Variants in FBXW7 observed in about 807,000 individuals in gnomAD.
FBXW7 encodes F-box/WD repeat-containing protein 7.
FBXW7 carries 11 observed loss-of-function variants against 86.3 expected under a neutral mutation model. The observed-to-expected ratio is 0.13, with a 90% confidence interval of 0.08 to 0.21. FBXW7 has a LOEUF of 0.21. Among genes scored for constraint, FBXW7 ranks in the 10% least tolerant of loss-of-function variants. The pLI is 1.00. For missense variants in FBXW7, 488 were observed against 847.4 expected, an observed-to-expected ratio of 0.58 and a Z score of 5.27; for synonymous variants, 313 against 297.9, an observed-to-expected ratio of 1.05 and a Z score of -0.52.
rs976903918 is a variant in FBXW7 at position 152,322,191 on chromosome 4, T to C, written c.*690A>G. The C allele has an allele frequency of 4.3e-6, 1 of 233,368 alleles. No individual in the cohort carries two copies. The highest frequency in any genetic ancestry group is 8.5e-6 in the Non-Finnish European group (1 of 117,900). The allele number at this position is 233,368 out of a possible 1,614,324, so 14.5% of individuals were successfully genotyped here. Reference sequence around the variant, plus strand: ...GCACCAGCATCAAGAATTAAATCCATCTCAGGACTCACAGAACCCAGGACA... The same window carrying C: ...GCACCAGCATCAAGAATTAAATCCACCTCAGGACTCACAGAACCCAGGACA... On this transcript the variant is annotated 3_prime_UTR_variant, in exon 14 of 14. Coordinates refer to ENST00000281708, the MANE Select transcript of FBXW7 (RefSeq NM_001349798.2).
At chr4:152,520,498 C>T (rs1049436446) in intron 2 of FBXW7, among the ~76,000 whole-genome samples, 4 of 151,348 alleles carry the variant, frequency 2.6e-5, no homozygotes, top group African/African-American at 4.9e-5. Context: ...TAGTAGGTCA[C>T]TTCTTCACCT....
At chr4:152,439,865 CAAAAAAA>C (rs35657415) in intron 2 of FBXW7, among the ~76,000 whole-genome samples, 3 of 57,158 alleles carry the variant, frequency 5.2e-5, no homozygotes, top group East Asian at 3.9e-4. Flanking sequence ...GACTCCGTCA[CAAAAAAA>C]AAAAAAAAAA....
intron 2 of FBXW7, among the ~76,000 whole-genome samples, chr4:152,504,404 A>G (rs1172901714): frequency 6.6e-6 from 1 of 152,198 alleles, no homozygotes; most frequent in Non-Finnish European, 1.5e-5. Context: ...AATCATTGAA[A>G]AACACTTTAT....
chr4:152,443,603 T>C (rs1350253353), intron 2 of FBXW7, among the ~76,000 whole-genome samples: 1 of 152,204 alleles, frequency 6.6e-6, no homozygotes, highest in Non-Finnish European at 1.5e-5. Flanking sequence ...CAATTCTTTT[T>C]AAAAACTTTG....
At chr4:152,356,874 G>A (rs190746747) in intron 4 of FBXW7, among the ~76,000 whole-genome samples, 27 of 152,226 alleles carry the variant, frequency 1.8e-4, no homozygotes, top group African/African-American at 6.5e-4. Context: ...TATTCATTCA[G>A]TAAGCATTTG....
chr4:152,323,822 AG>A (rs992122744), intron 13 of FBXW7: 4 of 185,838 alleles, frequency 2.2e-5, no homozygotes, highest in Non-Finnish European at 3.4e-5. Context: ...TTTTTCAATA[AG>A]GTAGCCCTTT....
intron 2 of FBXW7, among the ~76,000 whole-genome samples, chr4:152,476,843 G>A (rs1744443752): frequency 6.6e-6 from 1 of 152,116 alleles, no homozygotes; most frequent in African/African-American, 2.4e-5. Flanking sequence ...CTATCCTTTT[G>A]AGGATACTTT....
At chr4:152,474,293 A>AC (rs1218526571) in intron 2 of FBXW7, among the ~76,000 whole-genome samples, 1 of 152,236 alleles carries the variant, frequency 6.6e-6, no homozygotes, top group Non-Finnish European at 1.5e-5. Flanking sequence ...ACTGCTCATG[A>AC]ATTCTAACCA....
intron 4 of FBXW7, among the ~76,000 whole-genome samples, chr4:152,377,305 A>G (rs1734636638): frequency 6.6e-6 from 1 of 152,188 alleles, no homozygotes; most frequent in Non-Finnish European, 1.5e-5. Context: ...TTGTTTCATT[A>G]ACATTTAAAC....
intron 6 of FBXW7, among the ~76,000 whole-genome samples, chr4:152,342,797 C>T (rs1450076172): frequency 1.3e-5 from 2 of 152,096 alleles, no homozygotes; most frequent in East Asian, 3.8e-4. Context: ...CTGAAGAAAC[C>T]AAGAATGAAT....
chr4:152,382,174 ATG>A (rs762114279), intron 4 of FBXW7: 2 of 1,513,260 alleles, frequency 1.3e-6, no homozygotes, highest in South Asian at 2.8e-5. Flanking sequence ...TATTTTTCAA[ATG>A]TGTGAGACTT....
At chr4:152,423,146 A>G (rs1438467558) in intron 2 of FBXW7, among the ~76,000 whole-genome samples, 1 of 152,196 alleles carries the variant, frequency 6.6e-6, no homozygotes, top group East Asian at 1.9e-4. Flanking sequence ...TTTCCTTCTT[A>G]TGATTTTAGC....
intron 2 of FBXW7, among the ~76,000 whole-genome samples, chr4:152,456,407 A>C (rs2149621104): frequency 6.6e-6 from 1 of 150,426 alleles, no homozygotes; most frequent in East Asian, 2.0e-4. Flanking sequence ...GTTGTAGTAC[A>C]CATCTGTAGT....
Position 152,330,834 on chromosome 4 carries a change from T to G in FBXW7, c.1020A>C (p.Lys340Asn), listed in dbSNP as rs1184695126. 1 of 1,612,402 alleles carries G rather than the reference T, an allele frequency of 6.2e-7. No individual in the cohort carries two copies. Among genetic ancestry groups the G allele is most frequent in the Non-Finnish European group, 8.5e-7 (1 of 1,178,800 alleles). Residue 340 changes from lysine to asparagine, a missense_variant, in exon 9 of 14, where the codon AAA (lysine) becomes AAC (asparagine). By Grantham distance (94) the Lys-to-Asn change is moderately conservative. Around this residue, in one of 4 missense-constraint regions of FBXW7, gnomAD observed 57 missense variants for 62.8 expected, o/e 0.91. Transcript: ENST00000281708. ...TGTGTATGAAACCTGGTTTTATTAC[T>G]TTTCTTCTCTTGATGTGCAATGGTT... is the stretch of plus-strand genomic sequence containing the variant. ...IDEPLHIKRRKVIKPGFIHSP... is the reference protein window; with the variant it reads ...IDEPLHIKRRNVIKPGFIHSP...
chr4:152,493,153 T>C (rs778612469), intron 2 of FBXW7, among the ~76,000 whole-genome samples: 1 of 151,648 alleles, frequency 6.6e-6, no homozygotes, highest in Non-Finnish European at 1.5e-5. Context: ...GTTTAAAGGA[T>C]AGTTTTTTTG....
intron 13 of FBXW7, 55 bp downstream of exon 13, chr4:152,324,129 T>C (rs2126474067): frequency 7.2e-7 from 1 of 1,382,730 alleles, no homozygotes. Context: ...TCCATATTTC[T>C]CTTGAATAAT....
rs1561014065 is a variant in FBXW7, at chr4:152,535,542, C to G, written c.-628G>C. ...TGGTTGGGGCCCCGGTTCATACACT[C>G]CGGGGCAAGATGCTACGGCCCCGGG... On this transcript the variant is annotated 5_prime_UTR_variant, in exon 1 of 14. Transcript: ENST00000281708. 1.0e-5 allele frequency: 4 copies of G among 396,012 alleles called. No homozygotes were observed. The highest frequency in any genetic ancestry group is 4.1e-5 in the African/African-American group (2 of 48,396). The allele number at this position is 396,012 out of a possible 1,614,324, so 24.5% of individuals were successfully genotyped here. A position where few individuals can be genotyped will look rare whatever the true frequency, so the allele number is the denominator to read the frequency against.
chr4:152,429,177 C>T (rs1031378057), intron 2 of FBXW7, among the ~76,000 whole-genome samples: 3 of 151,918 alleles, frequency 2.0e-5, no homozygotes, highest in Admixed American at 6.6e-5. Flanking sequence ...GCAACAAGAG[C>T]GAAACTCCAT....
intron 2 of FBXW7, among the ~76,000 whole-genome samples, chr4:152,513,105 G>A (rs1332867743): frequency 1.3e-5 from 2 of 152,060 alleles, no homozygotes; most frequent in Admixed American, 1.3e-4. Context: ...CAGGTGATCC[G>A]CTCACCTCAG....
Sources: gnomAD v4.1 joint callset for allele counts (sites outside exome capture counted in the v4.1 genomes callset) on GRCh38, gnomAD v4.1.1 for gene constraint, gnomAD v4.1.1 regional missense constraint, MANE v1.5 for transcripts, NCBI Gene and HGNC (gene_info 2026-07-23, HGNC 2026-07-21) for gene names.